Variants in HIVEP3 observed in about 807,000 individuals in gnomAD.
HIVEP3 encodes transcription factor HIVEP3.
A neutral mutation model predicts 152.8 loss-of-function variants in HIVEP3; 49 were observed. The ratio of observed to expected loss-of-function variants is 0.32; its 90% confidence interval spans 0.26 to 0.41. HIVEP3 has a LOEUF of 0.41. HIVEP3 is among the 10% of genes least tolerant of loss of function. HIVEP3 has a pLI of 1.00. For synonymous variants in HIVEP3, 1,269 were observed against 1,289.0 expected (o/e 0.98, Z 0.33); for missense variants, 2,790 against 3,103.3 (o/e 0.90, Z 2.40).
chr1:41,753,791 A>T (rs1041555761), intron 1 of HIVEP3, among the ~76,000 whole-genome samples: 1 of 152,192 alleles, frequency 6.6e-6, no homozygotes, highest in African/African-American at 2.4e-5. Context: ...GTATTTATTG[A>T]GCAGGCATCA....
In HIVEP3 at chr1:41,581,010, G is replaced by A; in HGVS notation, c.3788C>T (p.Thr1263Ile). 1 of 1,566,946 alleles carries A rather than the reference G, an allele frequency of 6.4e-7. No individual in the cohort carries two copies. The highest frequency in any genetic ancestry group is 8.6e-7 in the Non-Finnish European group (1 of 1,156,204). The change falls in exon 4 of 9, where the codon ACC becomes ATC. Residue 1263 changes from threonine (T) to isoleucine (I), a missense_variant. Physicochemically the swap from Thr to Ile is moderately conservative, Grantham distance 89. Around this residue, in one of 9 missense-constraint regions of HIVEP3, gnomAD observed 1,078 missense variants for 1,165.3 expected, o/e 0.93. Transcript: ENST00000372583. This position sits in a 1 kb window ranked among gnomAD's most constrained non-coding sequence, Gnocchi z 4.5. ...TCCTGTTGCCAGTGGGGCCAGGCTG[G>A]TTTTGATCTGGGGCAGATGGCTTTC... The part of the protein sequence containing the change: ...DVESHLPQIK[T>I]SLAPLATGSA...
chr1:41,812,580 C>A (rs116498953), intron 1 of HIVEP3, among the ~76,000 whole-genome samples: 3,590 of 152,188 alleles, frequency 0.024, 167 homozygotes, highest in African/African-American at 0.082. Context: ...AATGACTGGG[C>A]CACATCTGTA....
chr1:41,684,563 T>G (rs1391377741), intron 2 of HIVEP3, among the ~76,000 whole-genome samples: 1 of 152,190 alleles, frequency 6.6e-6, no homozygotes, highest in African/African-American at 2.4e-5. Context: ...AATTACTGCC[T>G]CATGTTTAAT....
intron 3 of HIVEP3, among the ~76,000 whole-genome samples, chr1:41,587,281 A>G (rs553682231): frequency 7.9e-5 from 12 of 152,354 alleles, no homozygotes; most frequent in South Asian, 2.1e-4. Context: ...ATATTTGTCA[A>G]TGAAAGACTG....
intron 2 of HIVEP3, among the ~76,000 whole-genome samples, chr1:41,673,512 A>G (rs924440787): frequency 6.6e-6 from 1 of 152,186 alleles, no homozygotes; most frequent in South Asian, 2.1e-4. Context: ...GCTTACAGGC[A>G]GTGCACCAGA....
chr1:41,902,312 A>C (rs1379377982), intron 1 of HIVEP3, among the ~76,000 whole-genome samples: 1 of 152,196 alleles, frequency 6.6e-6, no homozygotes, highest in African/African-American at 2.4e-5. Context: ...CATTGAAGAA[A>C]TGTCCCCAGA....
intron 1 of HIVEP3, among the ~76,000 whole-genome samples, chr1:41,999,559 A>G (rs550750338): frequency 7.9e-5 from 12 of 152,212 alleles, no homozygotes; most frequent in Non-Finnish European, 1.6e-4. Context: ...GGTCACTTGG[A>G]CAATTGAGTA....
At chr1:41,958,294 C>T (rs543698952) in intron 1 of HIVEP3, among the ~76,000 whole-genome samples, 33 of 152,152 alleles carry the variant, frequency 2.2e-4, no homozygotes, top group Non-Finnish European at 4.7e-4. Context: ...GTAGTGCAGA[C>T]CCTGAGGGTT....
chr1:41,791,754 A>G (rs1649711282), intron 1 of HIVEP3, among the ~76,000 whole-genome samples: 1 of 152,158 alleles, frequency 6.6e-6, no homozygotes, highest in Non-Finnish European at 1.5e-5. Context: ...AATCCTAGCC[A>G]ATATAACAGA....
chr1:41,682,864 G>A (rs938178172), intron 2 of HIVEP3, among the ~76,000 whole-genome samples: 2 of 152,172 alleles, frequency 1.3e-5, no homozygotes, highest in African/African-American at 2.4e-5. Context: ...TCACGGAGCC[G>A]TACAGACATG....
At chr1:41,977,625 C>T (rs7545909) in intron 1 of HIVEP3, among the ~76,000 whole-genome samples, 2,436 of 152,270 alleles carry the variant, frequency 0.016, 40 homozygotes, top group Non-Finnish European at 0.021. Flanking sequence ...AGAACATCTG[C>T]GAATAAAGCA....
chr1:41,551,217 G>A (rs1264868623), intron 5 of HIVEP3, among the ~76,000 whole-genome samples: 2 of 152,188 alleles, frequency 1.3e-5, no homozygotes, highest in Non-Finnish European at 2.9e-5. Flanking sequence ...TGCGTCCCAG[G>A]GATGAAGCCA....
intron 4 of HIVEP3, among the ~76,000 whole-genome samples, chr1:41,576,869 G>C (rs972293121): frequency 6.6e-6 from 1 of 152,210 alleles, no homozygotes; most frequent in Admixed American, 6.5e-5. Flanking sequence ...CTGTGACTCA[G>C]TGACCACCAA....
At chr1:41,845,161 A>C (rs1192884374) in intron 1 of HIVEP3, among the ~76,000 whole-genome samples, 1 of 151,992 alleles carries the variant, frequency 6.6e-6, no homozygotes, top group Non-Finnish European at 1.5e-5. Context: ...CTTGCACCCT[A>C]CTTAAGTTTT....
Position 41,513,417 on chromosome 1 carries a change from C to T in HIVEP3, c.5804G>A (p.Ser1935Asn). The T allele has an allele frequency of 6.2e-7, 1 of 1,612,320 alleles. No individual in the cohort carries two copies. ...TASSCSMSSQSMPGLPWLGPA... is the reference protein window; with the variant it reads ...TASSCSMSSQNMPGLPWLGPA... ...TCCCAGCCAGGGGAGGCCCGGCATG[C>T]TCTGGCTGGACATGGAGCAGCTGCT... is the stretch of plus-strand genomic sequence containing the variant. Residue 1935 changes from serine (S) to asparagine (N), a missense_variant, in exon 8 of 9, where the codon AGC becomes AAC. Coordinates refer to ENST00000372583, the MANE Select transcript of HIVEP3 (RefSeq NM_024503.5).
chr1:41,911,646 T>C (rs1375024979), intron 1 of HIVEP3, among the ~76,000 whole-genome samples: 1 of 152,132 alleles, frequency 6.6e-6, no homozygotes, highest in African/African-American at 2.4e-5. Flanking sequence ...ATAAGCTAAG[T>C]GTTCATTAAT....
Position 41,584,997 on chromosome 1 carries a change from C to T in HIVEP3, c.-200G>A, listed in dbSNP as rs1644483071. 7.0e-6 allele frequency: 3 copies of T among 429,368 alleles called. No homozygotes were observed. Among genetic ancestry groups the T allele is most frequent in the Admixed American group, 3.9e-5 (1 of 25,326 alleles). The allele number at this position is 429,368 out of a possible 1,614,324, so 26.6% of individuals were successfully genotyped here. ...ACTCGGAGCAGGTCATCAGGGCCCA[C>T]GCTATTCTATTGGTGAGGCATGGCC... On this transcript the variant is annotated 5_prime_UTR_variant, in exon 4 of 9. In the 5' UTR this introduces an upstream ATG that the reference lacks. Coordinates refer to ENST00000372583, the MANE Select transcript of HIVEP3 (RefSeq NM_024503.5). The surrounding 1 kb of genome is among the most constrained non-coding windows in gnomAD (Gnocchi z 5.2).
At chr1:42,024,388 C>G (rs1295238559) in intron 1 of HIVEP3, among the ~76,000 whole-genome samples, 1 of 152,074 alleles carries the variant, frequency 6.6e-6, no homozygotes, top group Non-Finnish European at 1.5e-5. Flanking sequence ...CTTATGTTTC[C>G]AATGAGTCTT....
chr1:41,610,172 C>T (rs1265462153), intron 3 of HIVEP3, among the ~76,000 whole-genome samples: 3 of 152,206 alleles, frequency 2.0e-5, no homozygotes, highest in African/African-American at 7.2e-5. Flanking sequence ...TCTGTATACA[C>T]ACACACACCA....
Sources: gnomAD v4.1 joint callset for allele counts (sites outside exome capture counted in the v4.1 genomes callset) on GRCh38, gnomAD v4.1.1 for gene constraint, gnomAD v4.1.1 regional missense constraint, Gnocchi (gnomAD v3.1) non-coding constraint, MANE v1.5 for transcripts, NCBI Gene and HGNC (gene_info 2026-07-23, HGNC 2026-07-21) for gene names.